The following TEX11 variants were observed in gnomAD, a reference collection of about 807,000 sequenced individuals.
The protein encoded by TEX11 is testis expressed 11.
A neutral mutation model predicts 84.4 loss-of-function variants in TEX11; 7 were observed. That is an observed-to-expected ratio of 0.08 (90% CI 0.05 to 0.16). The LOEUF (loss-of-function observed/expected upper bound fraction) is 0.16, where lower values mean the gene tolerates loss of function less well. Among genes scored for constraint, TEX11 ranks in the 10% least tolerant of loss-of-function variants. The pLI is 1.00. For missense variants in TEX11, 551 were observed against 660.5 expected (o/e 0.83, Z 1.82); for synonymous variants, 264 against 222.8 (o/e 1.18, Z -1.64).
chrX:70,852,649 A>G (rs1312254868), intron 7 of TEX11, among the ~76,000 whole-genome samples: 1 of 112,312 alleles, frequency 8.9e-6, no homozygotes, highest in Non-Finnish European at 1.9e-5. Flanking sequence ...ACTTTTAGAA[A>G]GCATCAATAG....
intron 20 of TEX11, among the ~76,000 whole-genome samples, chrX:70,615,314 A>T (rs1428451933): frequency 9.0e-6 from 1 of 111,651 alleles, no homozygotes; most frequent in Non-Finnish European, 1.9e-5. Flanking sequence ...AGAAATTCAG[A>T]ACTCTATCAC....
At chrX:70,671,866 T>C (rs1054833610) in intron 15 of TEX11, among the ~76,000 whole-genome samples, 2 of 92,127 alleles carry the variant, frequency 2.2e-5, no homozygotes, top group Non-Finnish European at 4.3e-5. Flanking sequence ...ATATTTAAAC[T>C]GTACAATTGT....
At chrX:70,723,215 T>C (rs1334194523) in intron 12 of TEX11, among the ~76,000 whole-genome samples, 1 of 111,637 alleles carries the variant, frequency 9.0e-6, no homozygotes, top group Non-Finnish European at 1.9e-5. Context: ...CTTTAAGAAA[T>C]TGTGCTTCTG....
intron 13 of TEX11, among the ~76,000 whole-genome samples, chrX:70,688,051 G>T (rs2090203718): frequency 9.0e-6 from 1 of 111,137 alleles, no homozygotes; most frequent in African/African-American, 3.3e-5. Flanking sequence ...AAGAGGAGAA[G>T]AAAGGTAGGG....
intron 16 of TEX11, among the ~76,000 whole-genome samples, chrX:70,664,309 TTTGTTC>T (rs2089957909): frequency 8.9e-6 from 1 of 111,760 alleles, no homozygotes; most frequent in Admixed American, 9.5e-5. Context: ...TTTTATCTAC[TTTGTTC>T]TTGTACAATT....
chrX:70,637,545 A>C (rs1367812467), intron 17 of TEX11, among the ~76,000 whole-genome samples: 3 of 112,658 alleles, frequency 2.7e-5, no homozygotes, highest in Non-Finnish European at 3.7e-5. Flanking sequence ...AATAAAGAAA[A>C]TGTGGTACAT....
At chrX:70,761,780 A>G (rs2090910458) in intron 9 of TEX11, among the ~76,000 whole-genome samples, 2 of 112,163 alleles carry the variant, frequency 1.8e-5, no homozygotes, top group African/African-American at 3.2e-5. Context: ...TCCCAAACCT[A>G]GAAGGAGATA....
intron 8 of TEX11, among the ~76,000 whole-genome samples, chrX:70,811,092 T>C (rs1056210925): frequency 7.2e-5 from 8 of 111,575 alleles, no homozygotes; most frequent in Admixed American, 6.7e-4. Flanking sequence ...TTGCTACATA[T>C]GCATACATGT....
intron 7 of TEX11, among the ~76,000 whole-genome samples, chrX:70,851,423 C>T (rs1187730151): frequency 8.9e-6 from 1 of 111,732 alleles, no homozygotes; most frequent in African/African-American, 3.3e-5. Flanking sequence ...ACCACTACTT[C>T]ACATTATACC....
intron 13 of TEX11, among the ~76,000 whole-genome samples, chrX:70,696,585 C>T (rs1478859492): frequency 9.0e-6 from 1 of 110,626 alleles, no homozygotes; most frequent in Non-Finnish European, 1.9e-5. Flanking sequence ...CTGGGCAACA[C>T]AGTGAGACCC....
At chrX:70,733,444 A>G (rs991902466) in intron 11 of TEX11, among the ~76,000 whole-genome samples, 1 of 111,855 alleles carries the variant, frequency 8.9e-6, no homozygotes, top group East Asian at 2.8e-4. Context: ...ATGAACTGAA[A>G]CAAATTTACA....
At chrX:70,842,907 G>C (rs956884999) in intron 7 of TEX11, among the ~76,000 whole-genome samples, 2 of 111,300 alleles carry the variant, frequency 1.8e-5, no homozygotes, top group African/African-American at 6.5e-5. Flanking sequence ...AAATACCTAG[G>C]AATCCAACTT....
intron 9 of TEX11, among the ~76,000 whole-genome samples, chrX:70,804,281 A>C (rs1270313949): frequency 8.9e-6 from 1 of 112,339 alleles, no homozygotes; most frequent in Non-Finnish European, 1.9e-5. Flanking sequence ...TTCTAAATAA[A>C]GTATCACAAT....
chrX:70,572,586 G>T (rs2088616737), intron 25 of TEX11, among the ~76,000 whole-genome samples: 1 of 110,425 alleles, frequency 9.1e-6, no homozygotes. Flanking sequence ...CAATAGCAAA[G>T]ACTTGGAACC....
intron 9 of TEX11, among the ~76,000 whole-genome samples, chrX:70,801,592 C>T (rs1004502591): frequency 9.1e-6 from 1 of 109,950 alleles, no homozygotes; most frequent in Non-Finnish European, 1.9e-5. Flanking sequence ...CCTTTCTTTC[C>T]TTTCTTTTCT....
At chrX:70,724,963 A>G (rs1288894635) in intron 12 of TEX11, among the ~76,000 whole-genome samples, 1 of 110,764 alleles carries the variant, frequency 9.0e-6, no homozygotes, top group Non-Finnish European at 1.9e-5. Flanking sequence ...TTCTTTCTTC[A>G]TGGTGGTAGA....
At chrX:70,678,746 T>G in intron 15 of TEX11, 58 bp downstream of exon 15, 1 of 934,634 alleles carries the variant, frequency 1.1e-6, no homozygotes, top group Non-Finnish European at 1.5e-6. Flanking sequence ...TTATAGTGAA[T>G]GCACTATTTT....
chrX:70,586,685 G>A (rs774108103), intron 25 of TEX11, among the ~76,000 whole-genome samples: 1 of 112,140 alleles, frequency 8.9e-6, no homozygotes, highest in South Asian at 3.7e-4. Flanking sequence ...GTGTTGGCAA[G>A]GAGGTGGAGA....
At chrX:70,798,775 C>T (rs1323581949) in intron 9 of TEX11, among the ~76,000 whole-genome samples, 2 of 111,555 alleles carry the variant, frequency 1.8e-5, no homozygotes, top group Non-Finnish European at 3.8e-5. Context: ...GTTGGAAAAA[C>T]CTGGATATCC....
Sources: allele counts gnomAD v4.1 joint callset (sites outside exome capture counted in the v4.1 genomes callset), GRCh38; gene constraint gnomAD v4.1.1; transcripts MANE v1.5; gene names NCBI Gene and HGNC (gene_info 2026-07-23, HGNC 2026-07-21).